APP: variants seen among roughly 807,000 people sequenced by gnomAD.
The protein encoded by APP is amyloid beta precursor protein.
A neutral mutation model predicts 101.4 loss-of-function variants in APP; 31 were observed. The ratio of observed to expected loss-of-function variants is 0.31; its 90% confidence interval spans 0.23 to 0.41. The LOEUF is 0.41. APP is among the 10% of genes least tolerant of loss of function. The probability of loss-of-function intolerance (pLI) is 1.00; values close to 1 mark genes in which losing one functional copy is unlikely to be tolerated. For synonymous variants in APP, 366 were observed against 364.4 expected, an observed-to-expected ratio of 1.00 and a Z score of -0.05; for missense variants, 839 against 1,003.7, an observed-to-expected ratio of 0.84 and a Z score of 2.22.
chr21:25,993,061 C>T (rs111781078), intron 8 of APP, among the ~76,000 whole-genome samples: 1,634 of 151,976 alleles, frequency 0.011, 25 homozygotes, highest in African/African-American at 0.033. Flanking sequence ...TGAAAGGCTG[C>T]GTGGTGTGAG....
At chr21:26,092,368 G>A (rs2061842940) in intron 2 of APP, among the ~76,000 whole-genome samples, 1 of 152,134 alleles carries the variant, frequency 6.6e-6, no homozygotes, top group Non-Finnish European at 1.5e-5. Flanking sequence ...CCCATGAAAA[G>A]ACATGGAGGA....
At chr21:26,076,007 C>T (rs1283073111) in intron 3 of APP, among the ~76,000 whole-genome samples, 1 of 152,174 alleles carries the variant, frequency 6.6e-6, no homozygotes, top group African/African-American at 2.4e-5. Context: ...GATTCTCCTG[C>T]CTCAGCCTCC....
At chr21:25,941,486 T>C (rs2040574485) in intron 13 of APP, 1 of 152,278 alleles carries the variant, frequency 6.6e-6, no homozygotes, top group African/African-American at 2.4e-5. Flanking sequence ...TTTTTATTTA[T>C]TTATTTTTGA....
intron 1 of APP, among the ~76,000 whole-genome samples, chr21:26,144,069 T>C (rs1471938298): frequency 6.6e-6 from 1 of 152,090 alleles, no homozygotes; most frequent in Non-Finnish European, 1.5e-5. Context: ...AACACGTCCT[T>C]CTTCACATGG....
intron 13 of APP, among the ~76,000 whole-genome samples, chr21:25,925,619 G>A (rs988848046): frequency 1.3e-5 from 2 of 152,090 alleles, no homozygotes; most frequent in Admixed American, 6.5e-5. Flanking sequence ...CAACAGCCTC[G>A]GTTATCCCTT....
chr21:26,050,970 C>T (rs1393192926), intron 5 of APP, 30 bp downstream of exon 5: 2 of 1,611,494 alleles, frequency 1.2e-6, no homozygotes, highest in South Asian at 2.2e-5. Context: ...GTTTCAGCAT[C>T]TCTGAGGCTG....
chr21:25,988,458 T>C (rs2042723373), intron 8 of APP, among the ~76,000 whole-genome samples: 2 of 152,220 alleles, frequency 1.3e-5, no homozygotes, highest in East Asian at 1.9e-4. Flanking sequence ...TCCCAGCACT[T>C]TGGGAGTCTG....
intron 17 of APP, among the ~76,000 whole-genome samples, chr21:25,890,201 C>T (rs2037599422): frequency 1.3e-5 from 2 of 152,204 alleles, no homozygotes; most frequent in South Asian, 4.1e-4. Flanking sequence ...TTTCCTTCCT[C>T]ACACTGCTCA....
intron 13 of APP, among the ~76,000 whole-genome samples, chr21:25,941,105 G>T (rs2040558060): frequency 6.6e-6 from 1 of 152,208 alleles, no homozygotes; most frequent in Non-Finnish European, 1.5e-5. Flanking sequence ...CTAACAATCA[G>T]TTAAGTGGTA....
intron 4 of APP, 98 bp downstream of exon 4, chr21:26,053,138 T>C (rs1482797674): frequency 8.8e-6 from 8 of 914,074 alleles, no homozygotes; most frequent in South Asian, 3.9e-5. Context: ...AAATAACTTA[T>C]CAACATAGCT....
chr21:26,108,239 A>ATTTG (rs2062228780), intron 2 of APP, among the ~76,000 whole-genome samples: 1 of 152,266 alleles, frequency 6.6e-6, no homozygotes, highest in Admixed American at 6.5e-5. Flanking sequence ...TTTTAATCAC[A>ATTTG]TAGTTACAAC....
intron 5 of APP, among the ~76,000 whole-genome samples, chr21:26,047,611 T>C (rs923477291): frequency 2.0e-5 from 3 of 152,182 alleles, no homozygotes; most frequent in Non-Finnish European, 4.4e-5. Flanking sequence ...TCCAAACCAA[T>C]TTTTTTAAAT....
chr21:25,977,279 G>A lies in APP; in HGVS notation c.1225-1251C>T, dbSNP rs2042259706. On this transcript the variant is annotated intron_variant, in intron 9 of 17. Coordinates refer to ENST00000346798, the MANE Select transcript of APP (RefSeq NM_000484.4). ...CCTACAGCTGCCTTTTCAAGTGTATGACAAGTAGAATTTGTTTGAAGTGCA... is the reference window on the plus strand; with the variant it reads ...CCTACAGCTGCCTTTTCAAGTGTATAACAAGTAGAATTTGTTTGAAGTGCA... Among the ~76,000 whole-genome samples, 8 of 152,294 alleles carry A rather than the reference G, an allele frequency of 5.3e-5. No individual in the cohort carries two copies. In the South Asian group the frequency reaches 1.7e-3, roughly 32 times the overall value.
intron 17 of APP, among the ~76,000 whole-genome samples, chr21:25,884,051 G>A (rs1163860431): frequency 1.3e-5 from 2 of 152,108 alleles, no homozygotes; most frequent in African/African-American, 4.8e-5. Context: ...GCTAATTTTT[G>A]TATTTTTAGT....
intron 13 of APP, among the ~76,000 whole-genome samples, chr21:25,914,681 G>A (rs546110150): frequency 1.3e-3 from 197 of 151,332 alleles, no homozygotes; most frequent in Non-Finnish European, 2.2e-3. Context: ...AGCCTCCCGA[G>A]TAGCTGGGAC....
At chr21:25,933,202 G>C (rs2040221181) in intron 13 of APP, among the ~76,000 whole-genome samples, 1 of 152,130 alleles carries the variant, frequency 6.6e-6, no homozygotes, top group African/African-American at 2.4e-5. Context: ...GGGCTCAAGT[G>C]ATCTTCTCAC....
At chr21:25,946,597 C>T (rs538327781) in intron 13 of APP, among the ~76,000 whole-genome samples, 2 of 152,202 alleles carry the variant, frequency 1.3e-5, no homozygotes, top group South Asian at 2.1e-4. Flanking sequence ...ATCCGTAAGG[C>T]GGAGGTTGCA....
intron 11 of APP, among the ~76,000 whole-genome samples, chr21:25,966,827 T>A (rs2041815608): frequency 6.6e-6 from 1 of 152,222 alleles, no homozygotes; most frequent in Non-Finnish European, 1.5e-5. Flanking sequence ...CCACATTGGT[T>A]AAAGTTTGGT....
intron 1 of APP, among the ~76,000 whole-genome samples, chr21:26,116,290 A>ATAT (rs1238123008): frequency 6.6e-6 from 1 of 152,232 alleles, no homozygotes; most frequent in Non-Finnish European, 1.5e-5. Context: ...CAGAAAAAAA[A>ATAT]TATTTTTGAG....
Sources: gnomAD v4.1 joint callset for allele counts (sites outside exome capture counted in the v4.1 genomes callset) on GRCh38, gnomAD v4.1.1 for gene constraint, MANE v1.5 for transcripts, NCBI Gene and HGNC (gene_info 2026-07-23, HGNC 2026-07-21) for gene names.